The following GABRA3 variants were observed in gnomAD, a reference collection of about 807,000 sequenced individuals.
GABRA3 encodes the protein gamma-aminobutyric acid receptor subunit alpha-3.
A neutral mutation model predicts 30.1 loss-of-function variants in GABRA3; 10 were observed. That is an observed-to-expected ratio of 0.33 (90% CI 0.20 to 0.56). The LOEUF is 0.56. Among genes scored for constraint, GABRA3 ranks in the 20% least tolerant of loss-of-function variants. The pLI, the probability that GABRA3 is intolerant of heterozygous loss-of-function variation, is 0.89. For synonymous variants in GABRA3, 151 were observed against 146.8 expected (o/e 1.03, Z -0.21); for missense variants, 233 against 392.0 (o/e 0.59, Z 3.42).
intron 1 of GABRA3, among the ~76,000 whole-genome samples, chrX:152,377,620 GA>G (rs774177425): frequency 1.6e-4 from 17 of 105,169 alleles, no homozygotes; most frequent in Middle Eastern, 4.8e-3. Flanking sequence ...AAATAAGAGA[GA>G]AAAAAAAACA....
chrX:152,356,655 T>C (rs964223435), intron 2 of GABRA3, among the ~76,000 whole-genome samples: 1 of 111,333 alleles, frequency 9.0e-6, no homozygotes, highest in African/African-American at 3.3e-5. Context: ...GTAAATTATA[T>C]GTCATGAGGG....
chrX:152,290,332 T>G (rs1158150162), intron 3 of GABRA3, among the ~76,000 whole-genome samples: 1 of 112,051 alleles, frequency 8.9e-6, no homozygotes, highest in South Asian at 3.8e-4. Context: ...TGTATGTTCA[T>G]GTCCTTCACC....
At chrX:152,398,850 G>A (rs901649084) in intron 1 of GABRA3, among the ~76,000 whole-genome samples, 6 of 111,911 alleles carry the variant, frequency 5.4e-5, no homozygotes. Flanking sequence ...AGAGAATCAG[G>A]TGGTTACAGT....
intron 1 of GABRA3, among the ~76,000 whole-genome samples, chrX:152,413,983 C>A (rs996890800): frequency 3.6e-5 from 4 of 110,910 alleles, no homozygotes; most frequent in African/African-American, 1.3e-4. Context: ...TTTCTATATA[C>A]TAGCAACAGA....
chrX:152,208,914 C>T (rs1937605788), intron 6 of GABRA3, among the ~76,000 whole-genome samples: 1 of 111,351 alleles, frequency 9.0e-6, no homozygotes, highest in Non-Finnish European at 1.9e-5. Context: ...TTCAGGTATT[C>T]CTTCACAGCA....
At chrX:152,253,684 T>C (rs186791857) in intron 5 of GABRA3, among the ~76,000 whole-genome samples, 55 of 111,800 alleles carry the variant, frequency 4.9e-4, no homozygotes, top group Admixed American at 4.4e-3. Context: ...AAATGCATTA[T>C]TTACCCAGTA....
At chrX:152,194,371 T>A (rs1033026269) in intron 8 of GABRA3, among the ~76,000 whole-genome samples, 3 of 111,729 alleles carry the variant, frequency 2.7e-5, no homozygotes, top group Non-Finnish European at 5.6e-5. Context: ...TGTCCTTTTA[T>A]TATTGAATTT....
intron 1 of GABRA3, among the ~76,000 whole-genome samples, chrX:152,443,824 A>G (rs776265454): frequency 8.9e-6 from 1 of 112,202 alleles, no homozygotes; most frequent in East Asian, 2.8e-4. Context: ...AACGATCAAT[A>G]TGTGATCTGT....
At chrX:152,360,692 T>A (rs1182321815) in intron 2 of GABRA3, among the ~76,000 whole-genome samples, 11 of 35,274 alleles carry the variant, frequency 3.1e-4, no homozygotes, top group African/African-American at 5.9e-4. Flanking sequence ...AAACTTAGAG[T>A]ATAATAAAAA....
At chrX:152,382,702 G>A (rs1480119548) in intron 1 of GABRA3, among the ~76,000 whole-genome samples, 1 of 111,416 alleles carries the variant, frequency 9.0e-6, no homozygotes, top group Non-Finnish European at 1.9e-5. Flanking sequence ...TTAATATGGT[G>A]TGAGATGAGG....
At chrX:152,182,310 TATACACAC>T (rs1280049063) in intron 9 of GABRA3, among the ~76,000 whole-genome samples, 1 of 93,788 alleles carries the variant, frequency 1.1e-5, no homozygotes, top group Admixed American at 1.2e-4. Context: ...TATATATATA[TATACACAC>T]ACACACACAC....
At chrX:152,265,236 C>T (rs1314891597) in intron 4 of GABRA3, among the ~76,000 whole-genome samples, 1 of 111,119 alleles carries the variant, frequency 9.0e-6, no homozygotes, top group Non-Finnish European at 1.9e-5. Flanking sequence ...AGGATAGACC[C>T]TATGTTAGGC....
In GABRA3 at chrX:152,236,240, C is replaced by T. The variant is rs1202717892; in HGVS notation, c.552-11395G>A. ...ATTCCCACATATGAGTGAGAATATG[C>T]GGTGTTTGGTTTTTTGTTCTTGCGA... On this transcript the variant is annotated intron_variant, in intron 5 of 9. Transcript: ENST00000370314. 1.3e-4 allele frequency among the ~76,000 whole-genome samples: 13 copies of T among 102,171 alleles called. No homozygotes were observed. In the South Asian group the frequency reaches 2.9e-3, roughly 23 times the overall value. 88.7% of individuals were successfully genotyped at this position (102,171 alleles called of 115,157 possible). A position where few individuals can be genotyped will look rare whatever the true frequency, so the allele number is the denominator to read the frequency against.
intron 3 of GABRA3, among the ~76,000 whole-genome samples, chrX:152,327,896 A>C (rs1331376125): frequency 9.0e-6 from 1 of 111,672 alleles, no homozygotes; most frequent in Admixed American, 9.5e-5. Flanking sequence ...CACTTCAAAA[A>C]ATCAAAGAAT....
intron 7 of GABRA3, among the ~76,000 whole-genome samples, chrX:152,199,039 C>T (rs1345375190): frequency 1.8e-5 from 2 of 111,473 alleles, no homozygotes; most frequent in Non-Finnish European, 3.8e-5. Context: ...CATGTGAAAA[C>T]ACAGACACAC....
chrX:152,384,377 T>TA (rs907365658), intron 1 of GABRA3, among the ~76,000 whole-genome samples: 3 of 111,591 alleles, frequency 2.7e-5, no homozygotes, highest in African/African-American at 6.5e-5. Context: ...AAAGACTATT[T>TA]AAAAAAAATT....
At chrX:152,417,973 T>C (rs1245715693) in intron 1 of GABRA3, among the ~76,000 whole-genome samples, 1 of 104,546 alleles carries the variant, frequency 9.6e-6, no homozygotes, top group Non-Finnish European at 2.0e-5. Context: ...CATGTATACA[T>C]ATGTAACTAA....
chrX:152,184,669 A>G (rs1265169808), intron 9 of GABRA3, among the ~76,000 whole-genome samples: 1 of 111,401 alleles, frequency 9.0e-6, no homozygotes, highest in African/African-American at 3.3e-5. Context: ...CTGCAGTTCG[A>G]TAAATCAGTT....
chrX:152,193,168 C>A (rs1423806463), intron 8 of GABRA3, among the ~76,000 whole-genome samples: 3 of 111,432 alleles, frequency 2.7e-5, no homozygotes, highest in Non-Finnish European at 3.8e-5. Flanking sequence ...ATATTCCCAT[C>A]TCCCCAAAGA....
Sources: allele counts gnomAD v4.1 joint callset (sites outside exome capture counted in the v4.1 genomes callset), GRCh38; gene constraint gnomAD v4.1.1; transcripts MANE v1.5; gene names NCBI Gene and HGNC (gene_info 2026-07-23, HGNC 2026-07-21).